The following SCAI variants were observed in gnomAD, a reference collection of about 807,000 sequenced individuals.
SCAI encodes the protein suppressor of cancer cell invasion.
A neutral mutation model predicts 92.2 loss-of-function variants in SCAI; 24 were observed. The observed-to-expected ratio is 0.26, with a 90% CI of 0.19 to 0.37. The LOEUF (loss-of-function observed/expected upper bound fraction) is 0.37, where lower values mean the gene tolerates loss of function less well. Ranked by LOEUF, SCAI falls within the 10% of genes least tolerant of loss-of-function variation. The probability of loss-of-function intolerance (pLI) is 1.00; values close to 1 mark genes in which losing one functional copy is unlikely to be tolerated. For missense variants in SCAI, 450 were observed against 736.2 expected (o/e 0.61, Z 4.50); for synonymous variants, 261 against 258.6 (o/e 1.01, Z -0.09).
chr9:125,004,763 ATATATATATATATATATTTTTTT>A (rs1832454728), intron 9 of SCAI, among the ~76,000 whole-genome samples: 2 of 7,672 alleles, frequency 2.6e-4, no homozygotes, highest in African/African-American at 3.9e-4. Context: ...ATATATATAT[ATATATATATATATATATTTTTTT>A]TTTTTTTTTT....
At chr9:125,132,154 C>T (rs1217940351) in intron 2 of SCAI, among the ~76,000 whole-genome samples, 1 of 151,442 alleles carries the variant, frequency 6.6e-6, no homozygotes, top group Non-Finnish European at 1.5e-5. Flanking sequence ...TGCTCTGTCA[C>T]CCAGGTTAGG....
intron 5 of SCAI, among the ~76,000 whole-genome samples, 163 bp from the exon 6 acceptor site, chr9:125,027,073 AAAT>A (rs1325557699): frequency 6.6e-6 from 1 of 152,122 alleles, no homozygotes; most frequent in Non-Finnish European, 1.5e-5. Context: ...ATCACCCTTA[AAAT>A]GTATAAAAAA....
chr9:125,068,841 AG>A (rs1833919554), intron 2 of SCAI, among the ~76,000 whole-genome samples: 1 of 152,218 alleles, frequency 6.6e-6, no homozygotes, highest in Non-Finnish European at 1.5e-5. Context: ...CAAAAACATA[AG>A]GAACAACTCT....
intron 2 of SCAI, among the ~76,000 whole-genome samples, chr9:125,100,906 G>C (rs1467551184): frequency 2.6e-5 from 4 of 152,168 alleles, no homozygotes; most frequent in Non-Finnish European, 4.4e-5. Flanking sequence ...TGATGTGTTT[G>C]AGCAACAGCA....
chr9:124,986,494 G>A (rs1271327124), intron 14 of SCAI, among the ~76,000 whole-genome samples: 1 of 152,064 alleles, frequency 6.6e-6, no homozygotes, highest in African/African-American at 2.4e-5. Flanking sequence ...ACAAAATGAT[G>A]GAAAATACAG....
intron 17 of SCAI, chr9:124,968,310 G>T (rs1164472306): frequency 2.5e-6 from 3 of 1,222,134 alleles, no homozygotes; most frequent in African/African-American, 3.0e-5. Context: ...GTCTTCTCCA[G>T]AATAGGCCAA....
intron 17 of SCAI, among the ~76,000 whole-genome samples, chr9:124,967,522 C>T (rs1831564500): frequency 6.6e-6 from 1 of 152,110 alleles, no homozygotes; most frequent in African/African-American, 2.4e-5. Context: ...TCCTCAGCTC[C>T]ATGATTTTGT....
chr9:125,019,565 C>T (rs1232755308), intron 7 of SCAI, among the ~76,000 whole-genome samples: 1 of 151,454 alleles, frequency 6.6e-6, no homozygotes, highest in East Asian at 1.9e-4. Flanking sequence ...TTTGGGAGGT[C>T]GAGGTGGGAG....
At chr9:125,074,820 C>G (rs554345274) in intron 2 of SCAI, among the ~76,000 whole-genome samples, 4 of 152,004 alleles carry the variant, frequency 2.6e-5, no homozygotes, top group African/African-American at 9.6e-5. Flanking sequence ...GCCTGAGCAA[C>G]ATGGCGAAAC....
intron 2 of SCAI, among the ~76,000 whole-genome samples, chr9:125,118,436 G>A (rs1835094660): frequency 6.6e-6 from 1 of 152,046 alleles, no homozygotes; most frequent in Non-Finnish European, 1.5e-5. Flanking sequence ...GAGATCTCTT[G>A]ACCCCAAGAG....
At position 124,966,898 on chromosome 9, in the gene SCAI, C is replaced by T. The variant is rs1831551889; in HGVS notation, c.1674+4472G>A. Reference sequence around the variant, plus strand: ...GAGTAGCTGGGACTATAGGTATATGCCACTTCTCCCAGCTTGACTTTTTTT... The same window carrying T: ...GAGTAGCTGGGACTATAGGTATATGTCACTTCTCCCAGCTTGACTTTTTTT... On this transcript the variant is annotated intron_variant, in intron 17 of 17. Coordinates refer to ENST00000336505, the MANE Select transcript of SCAI (RefSeq NM_001144877.3). Among the ~76,000 whole-genome samples, 5 of 148,970 alleles carry T rather than the reference C, an allele frequency of 3.4e-5. No individual in the cohort carries two copies. In the South Asian group the frequency reaches 6.4e-4, roughly 19 times the overall value.
At chr9:125,046,457 G>T (rs1250551316) in intron 3 of SCAI, among the ~76,000 whole-genome samples, 1 of 147,690 alleles carries the variant, frequency 6.8e-6, no homozygotes, top group Non-Finnish European at 1.5e-5. Flanking sequence ...CTCACGAATG[G>T]AAAACCAAAC....
intron 13 of SCAI, 22 bp downstream of exon 13, chr9:124,999,869 G>C: frequency 8.4e-7 from 1 of 1,189,352 alleles, no homozygotes; most frequent in Non-Finnish European, 1.2e-6. Context: ...TTTATAATAA[G>C]AGTAGACACC....
intron 2 of SCAI, among the ~76,000 whole-genome samples, chr9:125,116,298 C>T (rs1300129342): frequency 6.6e-6 from 1 of 152,094 alleles, no homozygotes; most frequent in Non-Finnish European, 1.5e-5. Context: ...ATTTGTTGAA[C>T]ATCTACTATG....
At chr9:125,012,394 A>G (rs929322003) in intron 9 of SCAI, among the ~76,000 whole-genome samples, 18 of 152,166 alleles carry the variant, frequency 1.2e-4, no homozygotes, top group Non-Finnish European at 2.4e-4. Context: ...AGTCTCTGAT[A>G]AAACAGACTT....
intron 3 of SCAI, among the ~76,000 whole-genome samples, chr9:125,036,441 T>C (rs1162947901): frequency 6.6e-6 from 1 of 152,016 alleles, no homozygotes; most frequent in Non-Finnish European, 1.5e-5. Context: ...TAAAAGTATA[T>C]TTGAGAAATG....
chr9:125,055,995 A>C lies in SCAI; in HGVS notation c.111T>G (p.Ala37=). 6.2e-7 allele frequency: 1 copy of C among 1,607,886 alleles called. No individual in the cohort carries two copies. Among genetic ancestry groups the C allele is most frequent in the Non-Finnish European group, 8.5e-7 (1 of 1,176,704 alleles). The change falls in exon 3 of 18, where the codon GCT becomes GCG. Residue 37 remains alanine, a synonymous_variant. Transcript: ENST00000336505. The part of the protein sequence containing the change: ...PRKRRSRTEF[A]LKEIMSSGGA... ...CTCCAGAGGACATGATTTCTTTAAG[A>C]GCAAATTCAGTCCTGTAAGAAAACA...
chr9:124,952,288 A>T lies in SCAI; in HGVS notation c.*519T>A, dbSNP rs916971225. The stretch of plus-strand genomic sequence containing the variant: ...GAAAGAAATTAAATGATTTCAAAAA[A>T]CTGGCTTGATCATGTTTCAAAGGAT... On this transcript the variant is annotated 3_prime_UTR_variant, in exon 18 of 18. Coordinates refer to ENST00000336505, the MANE Select transcript of SCAI (RefSeq NM_001144877.3). 2 of 152,216 alleles carry T rather than the reference A, an allele frequency of 1.3e-5. No homozygotes were observed. The highest frequency in any genetic ancestry group is 4.8e-5 in the African/African-American group (2 of 41,466). 9.4% of individuals were successfully genotyped at this position (152,216 alleles called of 1,614,324 possible). A position where few individuals can be genotyped will look rare whatever the true frequency, so the allele number is the denominator to read the frequency against.
intron 2 of SCAI, among the ~76,000 whole-genome samples, chr9:125,067,551 C>A (rs957694231): frequency 2.0e-5 from 3 of 152,170 alleles, no homozygotes; most frequent in African/African-American, 7.2e-5. Context: ...GGAGAGAGAC[C>A]TGGAACAGAT....
Sources: allele counts gnomAD v4.1 joint callset (sites outside exome capture counted in the v4.1 genomes callset), GRCh38; gene constraint gnomAD v4.1.1; transcripts MANE v1.5; gene names NCBI Gene and HGNC (gene_info 2026-07-23, HGNC 2026-07-21).